Variants in AFAP1L2 observed in about 807,000 individuals in gnomAD.
AFAP1L2 encodes actin filament-associated protein 1-like 2.
AFAP1L2 carries 46 observed loss-of-function variants against 99.3 expected under a neutral mutation model. The observed-to-expected ratio is 0.46, with a 90% CI of 0.37 to 0.59. AFAP1L2 has a LOEUF of 0.59. AFAP1L2 is among the 20% of genes least tolerant of loss of function. The probability of loss-of-function intolerance (pLI) is 0.00; values close to 1 mark genes in which losing one functional copy is unlikely to be tolerated. For missense variants in AFAP1L2, 959 were observed against 1,034.9 expected, an observed-to-expected ratio of 0.93 and a Z score of 1.01; for synonymous variants, 397 against 419.1, an observed-to-expected ratio of 0.95 and a Z score of 0.64.
At chr10:114,337,053 GT>G in intron 2 of AFAP1L2, among the ~76,000 whole-genome samples, 1 of 152,354 alleles carries the variant, frequency 6.6e-6, no homozygotes, top group South Asian at 2.1e-4. Flanking sequence ...GCTGAGCTAA[GT>G]TTTGGGTAGA....
the AFAP1L2 span, chr10:114,286,428 A>G: frequency 6.2e-7 from 1 of 1,613,700 alleles, no homozygotes; most frequent in Non-Finnish European, 8.5e-7. Flanking sequence ...AGCCCAAAGC[A>G]TGTGATGGTC....
chr10:114,301,493 G>A (rs376035665), intron 12 of AFAP1L2, 28 bp from the exon 13 acceptor site: 1 of 1,526,968 alleles, frequency 6.5e-7, no homozygotes, highest in Non-Finnish European at 9.1e-7. Flanking sequence ...TGGCACACAT[G>A]AAGCAGCCGG....
At chr10:114,365,208 C>T (rs1272886313) in intron 1 of AFAP1L2, among the ~76,000 whole-genome samples, 1 of 152,126 alleles carries the variant, frequency 6.6e-6, no homozygotes, top group African/African-American at 2.4e-5. Flanking sequence ...TAGGTATGGA[C>T]ATTGTTCTCT....
chr10:114,369,594 C>CAAAAAAAAAAAA (rs34904418), intron 1 of AFAP1L2, among the ~76,000 whole-genome samples: 1 of 74,664 alleles, frequency 1.3e-5, no homozygotes, highest in African/African-American at 5.4e-5. Context: ...GACTCCGACT[C>CAAAAAAAAAAAA]AAAAAAAAAA....
intron 1 of AFAP1L2, among the ~76,000 whole-genome samples, chr10:114,390,380 A>G (rs960212231): frequency 6.6e-6 from 1 of 152,164 alleles, no homozygotes; most frequent in African/African-American, 2.4e-5. Flanking sequence ...CCATGCAGAC[A>G]TCTCTTTGGG....
At chr10:114,397,585 C>T (rs1425568357) in intron 1 of AFAP1L2, among the ~76,000 whole-genome samples, 8 of 152,080 alleles carry the variant, frequency 5.3e-5, no homozygotes, top group Admixed American at 1.3e-4. Context: ...CTCAGTTTGC[C>T]CAGGACTAAG....
chr10:114,290,117 A>C, downstream of AFAP1L2: 1 of 1,334,164 alleles, frequency 7.5e-7, no homozygotes, highest in Non-Finnish European at 1.0e-6. Context: ...ACCATGAGCT[A>C]CCGGGGCAAA....
At position 114,343,944 on chromosome 10, in the gene AFAP1L2, G is replaced by A. The variant is rs115763130; in HGVS notation, c.17-3213C>T. Among the ~76,000 whole-genome samples the A allele has an allele frequency of 2.1e-3, 325 of 152,304 alleles. 3 individuals carry two copies. The highest frequency in any genetic ancestry group is 7.3e-3 in the African/African-American group (305 of 41,564). On this transcript the variant is annotated intron_variant, in intron 1 of 18. Coordinates refer to ENST00000304129, the MANE Select transcript of AFAP1L2 (RefSeq NM_001001936.3). The stretch of plus-strand genomic sequence containing the variant: ...TGAGCCGAACCAGAGAAGAACGGGA[G>A]ACAACACCAAGGCAGAGAAACTGAA...
chr10:114,374,211 C>T (rs2054510625), intron 1 of AFAP1L2, among the ~76,000 whole-genome samples: 1 of 152,260 alleles, frequency 6.6e-6, no homozygotes, highest in Admixed American at 6.5e-5. Context: ...CCAGGCAACG[C>T]GACCCCAAAC....
chr10:114,305,125 G>T (rs2041930286), intron 10 of AFAP1L2, 195 bp from the exon 11 acceptor site: 5 of 578,300 alleles, frequency 8.6e-6, no homozygotes, highest in South Asian at 5.5e-5. Context: ...GGCTGCAGGA[G>T]GGGACGCAGA....
intron 1 of AFAP1L2, chr10:114,363,037 C>T (rs886847278): frequency 2.7e-5 from 27 of 985,288 alleles, no homozygotes; most frequent in East Asian, 1.1e-4. Flanking sequence ...CCAGAGAGGA[C>T]TGTGCCCAGG....
intron 1 of AFAP1L2, among the ~76,000 whole-genome samples, chr10:114,342,445 T>G (rs917064496): frequency 6.6e-6 from 1 of 152,226 alleles, no homozygotes; most frequent in African/African-American, 2.4e-5. Flanking sequence ...ATGATATCCA[T>G]GACCTAACCC....
intron 1 of AFAP1L2, among the ~76,000 whole-genome samples, chr10:114,345,666 A>G (rs2049441432): frequency 1.3e-5 from 2 of 152,222 alleles, no homozygotes; most frequent in Admixed American, 6.5e-5. Flanking sequence ...AAGCATATCC[A>G]AGTTCAAAGC....
intron 1 of AFAP1L2, among the ~76,000 whole-genome samples, chr10:114,367,447 C>T (rs1565000777): frequency 1.3e-5 from 2 of 152,134 alleles, no homozygotes; most frequent in African/African-American, 2.4e-5. Context: ...CTCCACTGCC[C>T]ACCCCTCCCC....
At chr10:114,396,180 A>T (rs1039692540) in intron 1 of AFAP1L2, among the ~76,000 whole-genome samples, 3 of 152,216 alleles carry the variant, frequency 2.0e-5, no homozygotes, top group African/African-American at 7.2e-5. Flanking sequence ...CACGGATGGA[A>T]GTTCCACAGC....
At chr10:114,327,095 T>C (rs2046390722) in intron 4 of AFAP1L2, among the ~76,000 whole-genome samples, 1 of 141,034 alleles carries the variant, frequency 7.1e-6, no homozygotes, top group Non-Finnish European at 1.5e-5. Context: ...GAAAGGACTA[T>C]TATTTTGATT....
chr10:114,307,958 C>A, intron 9 of AFAP1L2, 49 bp from the exon 10 acceptor site: 1 of 1,555,634 alleles, frequency 6.4e-7, no homozygotes, highest in Admixed American at 1.7e-5. Context: ...GGTCCACCCA[C>A]GTGCCCATGA....
chr10:114,295,696 C>T lies in AFAP1L2; in HGVS notation c.*346G>A, dbSNP rs1000857953. On this transcript the variant is annotated 3_prime_UTR_variant, in exon 19 of 19. Coordinates refer to ENST00000304129, the MANE Select transcript of AFAP1L2 (RefSeq NM_001001936.3). Reference sequence around the variant, plus strand: ...ACAGGGCCCTGCTTCCTTGATTCATCTTCCACCAAAGTCTAAACAGGAGGT... The same window carrying T: ...ACAGGGCCCTGCTTCCTTGATTCATTTTCCACCAAAGTCTAAACAGGAGGT... The T allele has an allele frequency of 4.8e-6, 5 of 1,049,022 alleles. No homozygotes were observed. Among genetic ancestry groups the T allele is most frequent in the Non-Finnish European group, 5.7e-6 (5 of 870,478 alleles). The allele number at this position is 1,049,022 out of a possible 1,614,324, so 65.0% of individuals were successfully genotyped here. A position where few individuals can be genotyped will look rare whatever the true frequency, so the allele number is the denominator to read the frequency against.
chr10:114,400,513 A>G lies in AFAP1L2; in HGVS notation c.16+3927T>C, dbSNP rs1322000. On this transcript the variant is annotated intron_variant, in intron 1 of 18. Coordinates refer to ENST00000304129, the MANE Select transcript of AFAP1L2 (RefSeq NM_001001936.3). ...GATCGTTTTTAAGCAACGTTCCCAT[A>G]GCCTTTTAAAGCCTCTAATAGCTGA... 8.5e-3 allele frequency among the ~76,000 whole-genome samples: 1,301 copies of G among 152,334 alleles called. 20 individuals are homozygous for G. Among genetic ancestry groups the G allele is most frequent in the African/African-American group, 0.03 (1,245 of 41,584 alleles).
Sources: gnomAD v4.1 joint callset for allele counts (sites outside exome capture counted in the v4.1 genomes callset) on GRCh38, gnomAD v4.1.1 for gene constraint, MANE v1.5 for transcripts, NCBI Gene and HGNC (gene_info 2026-07-23, HGNC 2026-07-21) for gene names.